FAM227A: variants seen among roughly 807,000 people sequenced by gnomAD.
FAM227A encodes protein FAM227A.
A neutral mutation model predicts 74.7 loss-of-function variants in FAM227A; 80 were observed. The observed-to-expected ratio is 1.07, with a 90% CI of 0.89 to 1.29. The LOEUF (loss-of-function observed/expected upper bound fraction) is 1.29. Ranked by LOEUF, FAM227A falls within the 50% of genes most tolerant of loss-of-function variation. FAM227A has a pLI of 0.00. For synonymous variants in FAM227A, 237 were observed against 241.8 expected, an observed-to-expected ratio of 0.98 and a Z score of 0.19; for missense variants, 654 against 683.4, an observed-to-expected ratio of 0.96 and a Z score of 0.48.
intron 11 of FAM227A, among the ~76,000 whole-genome samples, chr22:38,610,169 AC>A (rs1295493324): frequency 5.3e-5 from 8 of 151,946 alleles, no homozygotes; most frequent in Non-Finnish European, 1.5e-5. Context: ...ATGTACCACC[AC>A]ACCTGGCTAA....
In FAM227A at chr22:38,628,938, T is replaced by C. The variant is rs372894331; in HGVS notation, c.520-3A>G. On this transcript the variant is annotated splice_polypyrimidine_tract_variant and splice_region_variant and intron_variant, in intron 6 of 16. Coordinates refer to ENST00000535113, the MANE Select transcript of FAM227A (RefSeq NM_001013647.2). ...AATTCTCTACCTGAACAGAAATGCT[T>C]GGAAAAAAAAATTCACAGTATTATT... 6.8e-7 allele frequency: 1 copy of C among 1,465,448 alleles called. No individual in the cohort carries two copies. The highest frequency in any genetic ancestry group is 9.2e-7 in the Non-Finnish European group (1 of 1,087,420). The allele number at this position is 1,465,448 out of a possible 1,614,324, so 90.8% of individuals were successfully genotyped here.
At chr22:38,645,831 G>A (rs2092226173) in intron 2 of FAM227A, among the ~76,000 whole-genome samples, 186 bp from the exon 3 acceptor site, 1 of 152,118 alleles carries the variant, frequency 6.6e-6, no homozygotes, top group Non-Finnish European at 1.5e-5. Context: ...TGTTGCCCAT[G>A]CTGGAGTGCA....
chr22:38,613,340 A>ATC (rs1478780217), intron 11 of FAM227A, among the ~76,000 whole-genome samples: 1,929 of 31,278 alleles, frequency 0.062, 85 homozygotes, highest in East Asian at 0.14. Context: ...TATAATATAT[A>ATC]ACATATATTA....
At chr22:38,650,908 C>T (rs1458603932) in intron 1 of FAM227A, among the ~76,000 whole-genome samples, 5 of 152,172 alleles carry the variant, frequency 3.3e-5, no homozygotes, top group Non-Finnish European at 1.5e-5. Context: ...CGTTATAATA[C>T]AGCAAAAGAC....
intron 15 of FAM227A, among the ~76,000 whole-genome samples, chr22:38,595,672 G>C (rs767660540): frequency 9.9e-5 from 15 of 152,218 alleles, no homozygotes; most frequent in Non-Finnish European, 1.6e-4. Context: ...GCAGAGATCT[G>C]GTAGATACCA....
intron 11 of FAM227A, 92 bp downstream of exon 11, chr22:38,620,120 C>G (rs1427401594): frequency 2.3e-6 from 2 of 878,286 alleles, no homozygotes; most frequent in African/African-American, 3.4e-5. Flanking sequence ...AGATGTGCAA[C>G]TAACCGGAGG....
rs533642374 is a variant in FAM227A at position 38,590,748 on chromosome 22, A to G, written c.1638+687T>C. On this transcript the variant is annotated intron_variant, in intron 16 of 16. Transcript: ENST00000535113. ...CCTTACTACTACCAATAATAACACT[A>G]AAACTAAAATGAGAGTGGTGTGAGT... Among the ~76,000 whole-genome samples, 268 of 152,302 alleles carry G rather than the reference A, an allele frequency of 1.8e-3. 1 individual carries two copies. The highest frequency in any genetic ancestry group is 2.3e-3 in the Non-Finnish European group (159 of 68,016).
At chr22:38,604,124 C>G (rs1210057226) in intron 13 of FAM227A, among the ~76,000 whole-genome samples, 1 of 152,000 alleles carries the variant, frequency 6.6e-6, no homozygotes, top group Non-Finnish European at 1.5e-5. Context: ...ATCGCGAGTT[C>G]GAGACCAGCC....
chr22:38,631,641 G>T (rs947798665), intron 6 of FAM227A, among the ~76,000 whole-genome samples: 29 of 152,124 alleles, frequency 1.9e-4, no homozygotes, highest in African/African-American at 5.1e-4. Context: ...TGACACATGT[G>T]GGGTACTCCA....
intron 11 of FAM227A, among the ~76,000 whole-genome samples, chr22:38,614,416 C>T (rs1345241983): frequency 6.6e-6 from 1 of 152,168 alleles, no homozygotes; most frequent in Non-Finnish European, 1.5e-5. Context: ...GATACTTTTG[C>T]ATTTCCACTG....
At chr22:38,624,495 G>A (rs1453159447) in intron 9 of FAM227A, among the ~76,000 whole-genome samples, 1 of 152,154 alleles carries the variant, frequency 6.6e-6, no homozygotes, top group African/African-American at 2.4e-5. Flanking sequence ...GCTGGCCTCT[G>A]GGAACCTGGC....
chr22:38,625,382 C>T (rs558803572), intron 9 of FAM227A, among the ~76,000 whole-genome samples: 3 of 144,906 alleles, frequency 2.1e-5, no homozygotes, highest in East Asian at 4.0e-4. Context: ...GAGCGAGATC[C>T]GTCTCAAAAA....
rs2090775036 is a variant in FAM227A at position 38,584,932 on chromosome 22, G to C, written c.*1193C>G. 6.6e-6 allele frequency: 1 copy of C among 151,842 alleles called. No individual in the cohort carries two copies. Among genetic ancestry groups the C allele is most frequent in the Non-Finnish European group, 1.5e-5 (1 of 67,956 alleles). 9.4% of individuals were successfully genotyped at this position (151,842 alleles called of 1,614,324 possible). A position where few individuals can be genotyped will look rare whatever the true frequency, so the allele number is the denominator to read the frequency against. ...CTGCCTCAGCCTCCCGAGTAGCTGG[G>C]ATTACAGGTGCCCGCCACAACATCC... On this transcript the variant is annotated 3_prime_UTR_variant, in exon 17 of 17. Transcript: ENST00000535113.
chr22:38,606,303 A>G (rs2091281187), intron 12 of FAM227A, among the ~76,000 whole-genome samples: 1 of 152,176 alleles, frequency 6.6e-6, no homozygotes, highest in Non-Finnish European at 1.5e-5. Flanking sequence ...AGTAGCTCAG[A>G]CTACAGATGT....
intron 11 of FAM227A, chr22:38,618,561 A>G (rs2091623575): frequency 2.6e-5 from 4 of 152,200 alleles, no homozygotes. Context: ...ATGTAAAAAT[A>G]CTAACATCAA....
chr22:38,591,307 A>C, intron 16 of FAM227A, 128 bp downstream of exon 16: 1 of 1,418,740 alleles, frequency 7.0e-7, no homozygotes, highest in Non-Finnish European at 9.2e-7. Context: ...TTGAGGAGAG[A>C]GTGAGACTCT....
At chr22:38,649,246 G>C (rs970773492) in intron 2 of FAM227A, among the ~76,000 whole-genome samples, 5 of 152,090 alleles carry the variant, frequency 3.3e-5, no homozygotes, top group African/African-American at 1.2e-4. Context: ...TTCTTTTAGA[G>C]GATGGGTAGA....
Position 38,645,659 on chromosome 22 carries a change from C to A in FAM227A, c.143-14G>T, listed in dbSNP as rs1365617949. 6.5e-7 allele frequency: 1 copy of A among 1,536,322 alleles called. No individual in the cohort carries two copies. The highest frequency in any genetic ancestry group is 2.5e-5 in the East Asian group (1 of 40,626). On this transcript the variant is annotated splice_polypyrimidine_tract_variant and intron_variant, in intron 2 of 16. Transcript: ENST00000535113. ...CAATAAGGCATGCTGGGAGGTTAGT[C>A]TGCTAAGGAAACTCAGGGTGATGAT...
At chr22:38,605,175 G>A (rs1295136060) in intron 13 of FAM227A, 79 bp downstream of exon 13, 1 of 809,380 alleles carries the variant, frequency 1.2e-6, no homozygotes, top group African/African-American at 1.7e-5. Context: ...TTCATTAAAT[G>A]TTAATTATCA....
Sources: allele counts gnomAD v4.1 joint callset (sites outside exome capture counted in the v4.1 genomes callset), GRCh38; gene constraint gnomAD v4.1.1; transcripts MANE v1.5; gene names NCBI Gene and HGNC (gene_info 2026-07-23, HGNC 2026-07-21).